PHACTR1: variants seen among roughly 807,000 people sequenced by gnomAD.
PHACTR1 encodes the protein RPEL repeat containing 1.
In PHACTR1, 16 loss-of-function variants were observed where a neutral mutation model predicts 69.2. The observed-to-expected ratio is 0.23, with a 90% CI of 0.16 to 0.35. The LOEUF (loss-of-function observed/expected upper bound fraction) is 0.35, where lower values mean the gene tolerates loss of function less well. PHACTR1 is among the 10% of genes least tolerant of loss of function. The probability of loss-of-function intolerance (pLI) is 1.00; values close to 1 mark genes in which losing one functional copy is unlikely to be tolerated. For synonymous variants in PHACTR1, 312 were observed against 284.5 expected (o/e 1.10, Z -0.97); for missense variants, 510 against 734.7 (o/e 0.69, Z 3.54).
chr6:12,902,181 G>T (rs1785270503), intron 4 of PHACTR1, among the ~76,000 whole-genome samples: 1 of 152,158 alleles, frequency 6.6e-6, no homozygotes, highest in Non-Finnish European at 1.5e-5. Context: ...CCAGCACTTT[G>T]GGGGACGGAG....
intron 4 of PHACTR1, among the ~76,000 whole-genome samples, chr6:12,756,941 G>A (rs906220326): frequency 2.0e-5 from 3 of 151,928 alleles, no homozygotes; most frequent in East Asian, 1.9e-4. Flanking sequence ...CCGTTTTTTA[G>A]GCACTTGAGA....
chr6:12,790,237 C>T (rs967237063), intron 4 of PHACTR1, among the ~76,000 whole-genome samples: 3 of 152,198 alleles, frequency 2.0e-5, no homozygotes, highest in Non-Finnish European at 2.9e-5. Flanking sequence ...CAAGGCCCTT[C>T]ATAATCTAGG....
chr6:13,279,969 A>G (rs998701604), intron 12 of PHACTR1: 6 of 152,224 alleles, frequency 3.9e-5, no homozygotes, highest in African/African-American at 1.4e-4. Flanking sequence ...ATTTTCATCA[A>G]ATTTTTCAGA....
intron 4 of PHACTR1, among the ~76,000 whole-genome samples, chr6:13,005,721 T>C (rs565673739): frequency 3.0e-4 from 46 of 152,266 alleles, no homozygotes; most frequent in Middle Eastern, 3.4e-3. Flanking sequence ...TCTTAGAGCA[T>C]ATTCCATTGT....
At chr6:13,165,243 A>C (rs1759616530) in intron 6 of PHACTR1, among the ~76,000 whole-genome samples, 1 of 152,268 alleles carries the variant, frequency 6.6e-6, no homozygotes, top group Non-Finnish European at 1.5e-5. Flanking sequence ...TGCCAACACT[A>C]TAAATAGTAA....
chr6:12,930,586 C>G (rs1177803662), intron 4 of PHACTR1, among the ~76,000 whole-genome samples: 1 of 152,130 alleles, frequency 6.6e-6, no homozygotes, highest in Non-Finnish European at 1.5e-5. Context: ...GAAGAGAGCA[C>G]AGGAGCCTGA....
At chr6:13,003,951 C>CTATATATATATATATACATATATA (rs1384494931) in intron 4 of PHACTR1, among the ~76,000 whole-genome samples, 11 of 93,558 alleles carry the variant, frequency 1.2e-4, no homozygotes, top group African/African-American at 5.0e-4. Flanking sequence ...AGTAGTATTC[C>CTATATATATATATATACATATATA]TATATATATA....
intron 4 of PHACTR1, among the ~76,000 whole-genome samples, chr6:12,792,523 A>G (rs1772453469): frequency 6.6e-6 from 1 of 151,234 alleles, no homozygotes; most frequent in Non-Finnish European, 1.5e-5. Flanking sequence ...CTGAAAAAAT[A>G]AAAATATATA....
intron 4 of PHACTR1, among the ~76,000 whole-genome samples, chr6:12,788,662 A>G (rs1581751996): frequency 6.6e-6 from 1 of 152,258 alleles, no homozygotes; most frequent in Non-Finnish European, 1.5e-5. Context: ...CTGACAGAGA[A>G]AAGTGGCCAA....
intron 4 of PHACTR1, among the ~76,000 whole-genome samples, chr6:12,966,972 T>C (rs1467716882): frequency 1.3e-5 from 2 of 152,234 alleles, no homozygotes; most frequent in Admixed American, 1.3e-4. Flanking sequence ...ATTTCATCTC[T>C]GATATGAATT....
At chr6:12,981,715 G>A (rs927042927) in intron 4 of PHACTR1, among the ~76,000 whole-genome samples, 4 of 152,178 alleles carry the variant, frequency 2.6e-5, no homozygotes, top group Admixed American at 6.5e-5. Context: ...GGTTGAAACA[G>A]GAAGTCTCTG....
At chr6:12,834,469 C>T (rs1201695359) in intron 4 of PHACTR1, among the ~76,000 whole-genome samples, 1 of 151,964 alleles carries the variant, frequency 6.6e-6, no homozygotes, top group African/African-American at 2.4e-5. Flanking sequence ...CAGTGTTATC[C>T]AAGAAGTTAA....
At chr6:12,928,924 A>G (rs1448390352) in intron 4 of PHACTR1, among the ~76,000 whole-genome samples, 1 of 152,218 alleles carries the variant, frequency 6.6e-6, no homozygotes, top group Non-Finnish European at 1.5e-5. Context: ...TGATTCAGGA[A>G]AAAGCTCCTT....
chr6:12,740,213 T>A (rs1178344816), intron 3 of PHACTR1, among the ~76,000 whole-genome samples: 2 of 152,222 alleles, frequency 1.3e-5, no homozygotes, highest in Non-Finnish European at 2.9e-5. Flanking sequence ...ATTATGTTTA[T>A]ATATTTTCCT....
intron 4 of PHACTR1, among the ~76,000 whole-genome samples, chr6:13,051,806 G>T (rs1583142356): frequency 6.6e-6 from 1 of 152,134 alleles, no homozygotes; most frequent in Non-Finnish European, 1.5e-5. Context: ...TCCTCCTTGG[G>T]ACTCTGTGCT....
At chr6:13,048,249 C>T (rs933588973) in intron 4 of PHACTR1, among the ~76,000 whole-genome samples, 4 of 152,182 alleles carry the variant, frequency 2.6e-5, no homozygotes, top group Admixed American at 6.5e-5. Context: ...CAGCTTCCAA[C>T]GTTTTGATTC....
chr6:13,217,617 C>T lies in PHACTR1; in HGVS notation c.987-10199C>T, dbSNP rs187630086. ...AATTAATTTAAATCCATTACCACTG[C>T]TGAAAAAAAAAACTCAAAATACATT... On this transcript the variant is annotated intron_variant, in intron 8 of 14. Coordinates refer to ENST00000332995, the MANE Select transcript of PHACTR1 (RefSeq NM_030948.6). Among the ~76,000 whole-genome samples, 385 of 151,286 alleles carry T rather than the reference C, an allele frequency of 2.5e-3. 3 individuals carry two copies. Among genetic ancestry groups the T allele is most frequent in the Non-Finnish European group, 3.3e-3 (221 of 67,902 alleles).
intron 4 of PHACTR1, among the ~76,000 whole-genome samples, chr6:13,025,176 G>C (rs540100127): frequency 6.6e-6 from 1 of 152,048 alleles, no homozygotes; most frequent in Non-Finnish European, 1.5e-5. Flanking sequence ...GATTGCTTGA[G>C]CTGGGGAGGT....
rs373589936 is a variant in PHACTR1, at chr6:13,223,862, C to G, written c.987-3954C>G. 2.1e-4 allele frequency among the ~76,000 whole-genome samples: 32 copies of G among 152,230 alleles called. 2 individuals carry two copies. In the East Asian group the frequency reaches 6.2e-3, roughly 29 times the overall value. ...TCTATTCACTCTCCCTTCTTTCCTT[C>G]TCTCCTTCAACTCTTTCAGTTATTC... On this transcript the variant is annotated intron_variant, in intron 8 of 14. Transcript: ENST00000332995.
Sources: allele counts gnomAD v4.1 joint callset (sites outside exome capture counted in the v4.1 genomes callset), GRCh38; gene constraint gnomAD v4.1.1; transcripts MANE v1.5; gene names NCBI Gene and HGNC (gene_info 2026-07-23, HGNC 2026-07-21).